Variants in ATE1 observed in about 807,000 individuals in gnomAD.
The protein encoded by ATE1 is arginyl-tRNA--protein transferase 1.
Under a neutral mutation model 70.5 loss-of-function variants are expected in ATE1, and 36 were observed. The ratio of observed to expected loss-of-function variants is 0.51; its 90% CI spans 0.39 to 0.67. The LOEUF is 0.67. Among genes scored for constraint, ATE1 ranks in the 30% least tolerant of loss-of-function variants. ATE1 has a pLI of 0.00. For missense variants in ATE1, 593 were observed against 629.5 expected (o/e 0.94, Z 0.62); for synonymous variants, 232 against 219.3 (o/e 1.06, Z -0.51).
At chr10:121,895,021 C>A (rs185948160) in intron 7 of ATE1, among the ~76,000 whole-genome samples, 1 of 152,148 alleles carries the variant, frequency 6.6e-6, no homozygotes, top group Non-Finnish European at 1.5e-5. Context: ...CATAATGAGA[C>A]ACCACTTTAC....
At chr10:121,832,136 T>C (rs1948263435) in intron 10 of ATE1, among the ~76,000 whole-genome samples, 2 of 152,344 alleles carry the variant, frequency 1.3e-5, no homozygotes, top group East Asian at 1.9e-4. Flanking sequence ...GGTGCTAGCA[T>C]AGAAAGGATA....
chr10:121,864,986 C>T (rs1949613070), intron 8 of ATE1, among the ~76,000 whole-genome samples: 1 of 152,170 alleles, frequency 6.6e-6, no homozygotes, highest in African/African-American at 2.4e-5. Context: ...TGCTCTGGGG[C>T]TTACTAAATA....
intron 10 of ATE1, among the ~76,000 whole-genome samples, chr10:121,834,161 T>C (rs1358273698): frequency 6.6e-6 from 1 of 152,146 alleles, no homozygotes; most frequent in African/African-American, 2.4e-5. Flanking sequence ...AGCCTAAACA[T>C]TTGTCCTCAG....
intron 11 of ATE1, among the ~76,000 whole-genome samples, chr10:121,785,769 A>C (rs1946179847): frequency 6.6e-6 from 1 of 152,182 alleles, no homozygotes; most frequent in Non-Finnish European, 1.5e-5. Context: ...TAAACTGATA[A>C]AGCACTAAAT....
chr10:121,766,367 A>G (rs146915045), intron 11 of ATE1, among the ~76,000 whole-genome samples: 1 of 152,272 alleles, frequency 6.6e-6, no homozygotes, highest in East Asian at 1.9e-4. Context: ...AAGATGAGGG[A>G]GACCTACTTT....
chr10:121,746,681 C>T (rs1038682687), intron 11 of ATE1, among the ~76,000 whole-genome samples: 2 of 151,924 alleles, frequency 1.3e-5, no homozygotes, highest in Non-Finnish European at 2.9e-5. Flanking sequence ...AAACATTTTA[C>T]TGGATGTCCA....
At chr10:121,824,355 T>A (rs887121964) in intron 10 of ATE1, among the ~76,000 whole-genome samples, 4 of 152,204 alleles carry the variant, frequency 2.6e-5, no homozygotes, top group African/African-American at 9.6e-5. Context: ...AAGGCTATAG[T>A]GAAATAACAT....
At chr10:121,807,076 A>G (rs1947127555) in intron 10 of ATE1, among the ~76,000 whole-genome samples, 1 of 152,212 alleles carries the variant, frequency 6.6e-6, no homozygotes, top group Non-Finnish European at 1.5e-5. Context: ...CATCAGTACC[A>G]AAAGAGTGAC....
chr10:121,835,384 T>C (rs1948395355), intron 10 of ATE1, among the ~76,000 whole-genome samples: 1 of 151,258 alleles, frequency 6.6e-6, no homozygotes, highest in South Asian at 2.1e-4. Context: ...TCCCCAGTCA[T>C]TCAGTGCTTA....
chr10:121,881,187 C>T (rs1950212281), intron 7 of ATE1, among the ~76,000 whole-genome samples: 1 of 152,150 alleles, frequency 6.6e-6, no homozygotes, highest in Admixed American at 6.5e-5. Context: ...ATTCTCTCTC[C>T]AGCTGTTTTT....
chr10:121,909,836 G>T (rs1212400294), intron 5 of ATE1, among the ~76,000 whole-genome samples: 1 of 152,104 alleles, frequency 6.6e-6, no homozygotes, highest in Non-Finnish European at 1.5e-5. Context: ...AACTAGGTGA[G>T]GAGTTGGAGA....
intron 8 of ATE1, among the ~76,000 whole-genome samples, chr10:121,869,016 A>G (rs1205564670): frequency 1.3e-5 from 2 of 152,250 alleles, no homozygotes. Flanking sequence ...AAAGCATAAA[A>G]TGAAATAAAC....
At chr10:121,826,735 C>A (rs1435384454) in intron 10 of ATE1, among the ~76,000 whole-genome samples, 3 of 152,136 alleles carry the variant, frequency 2.0e-5, no homozygotes, top group Admixed American at 2.0e-4. Context: ...CGCACAGCAC[C>A]CAACAGGTAG....
intron 7 of ATE1, chr10:121,898,718 T>G: frequency 1.8e-6 from 2 of 1,140,394 alleles, no homozygotes; most frequent in Non-Finnish European, 2.4e-6. Flanking sequence ...GTCATGTGAG[T>G]GTTCACAGAA....
At chr10:121,796,717 A>G (rs1453921117) in intron 10 of ATE1, among the ~76,000 whole-genome samples, 1 of 152,230 alleles carries the variant, frequency 6.6e-6, no homozygotes, top group Non-Finnish European at 1.5e-5. Flanking sequence ...AGGAAATGCC[A>G]AAGTTAAATC....
chr10:121,818,367 T>G (rs887664980), intron 10 of ATE1, among the ~76,000 whole-genome samples: 3 of 151,698 alleles, frequency 2.0e-5, no homozygotes, highest in Non-Finnish European at 2.9e-5. Context: ...GTCAAAGATG[T>G]AAAGTTCTGG....
At chr10:121,755,371 T>C (rs896268856) in intron 11 of ATE1, among the ~76,000 whole-genome samples, 3 of 152,174 alleles carry the variant, frequency 2.0e-5, no homozygotes, top group South Asian at 2.1e-4. Context: ...TCTCAAATGG[T>C]TTAGAAAAAA....
chr10:121,796,416 T>C (rs1946660752), intron 10 of ATE1, among the ~76,000 whole-genome samples: 1 of 152,218 alleles, frequency 6.6e-6, no homozygotes, highest in South Asian at 2.1e-4. Flanking sequence ...CAGCAAATCC[T>C]ATGATTCCTG....
chr10:121,757,535 A>G (rs941137202), intron 11 of ATE1, among the ~76,000 whole-genome samples: 1 of 152,186 alleles, frequency 6.6e-6, no homozygotes, highest in Non-Finnish European at 1.5e-5. Flanking sequence ...GTTTAATTGG[A>G]CTTACAGTTC....
Sources: allele counts gnomAD v4.1 joint callset (sites outside exome capture counted in the v4.1 genomes callset), GRCh38; gene constraint gnomAD v4.1.1; transcripts MANE v1.5; gene names NCBI Gene and HGNC (gene_info 2026-07-23, HGNC 2026-07-21).